CTNNA3: variants seen among roughly 807,000 people sequenced by gnomAD.
CTNNA3 encodes catenin alpha 3.
A neutral mutation model predicts 95.7 loss-of-function variants in CTNNA3; 76 were observed. That is an observed-to-expected ratio of 0.79 (90% CI 0.66 to 0.96). The LOEUF is 0.96. CTNNA3 is among the 40% of genes least tolerant of loss of function. The probability of loss-of-function intolerance (pLI) is 0.00; values close to 1 mark genes in which losing one functional copy is unlikely to be tolerated. For missense variants in CTNNA3, 1,191 were observed against 1,089.8 expected (o/e 1.09, Z -1.31); for synonymous variants, 431 against 374.4 (o/e 1.15, Z -1.74).
chr10:66,710,773 C>T (rs10997332), intron 9 of CTNNA3, among the ~76,000 whole-genome samples: 4,907 of 151,656 alleles, frequency 0.032, 214 homozygotes, highest in East Asian at 0.22. Flanking sequence ...ATTTTAAATA[C>T]AGTTTGAGGA....
At chr10:66,658,725 A>G (rs1405287984) in intron 9 of CTNNA3, among the ~76,000 whole-genome samples, 8 of 152,122 alleles carry the variant, frequency 5.3e-5, no homozygotes, top group Admixed American at 3.9e-4. Context: ...ACAGGGTCTC[A>G]CTCTGTTGCC....
Position 66,553,689 on chromosome 10 carries a change from G to A in CTNNA3, c.1375-32916C>T, listed in dbSNP as rs1254312060. On this transcript the variant is annotated intron_variant, in intron 10 of 17. Coordinates refer to ENST00000433211, the MANE Select transcript of CTNNA3 (RefSeq NM_013266.4). ...ACTACAGGTGACCGCCACCACACCC[G>A]GCTAATTTTTTGTATTTTTAGTAGA... Among the ~76,000 whole-genome samples, 7 of 151,084 alleles carry A rather than the reference G, an allele frequency of 4.6e-5. No individual in the cohort carries two copies. In the East Asian group the frequency reaches 7.8e-4, roughly 17 times the overall value.
At chr10:66,496,390 CCA>C (rs1394417920) in intron 11 of CTNNA3, among the ~76,000 whole-genome samples, 1 of 152,042 alleles carries the variant, frequency 6.6e-6, no homozygotes, top group Non-Finnish European at 1.5e-5. Flanking sequence ...ATAATTATTT[CCA>C]GTTTGATTAA....
chr10:66,489,091 C>T (rs79021016), intron 11 of CTNNA3, among the ~76,000 whole-genome samples: 2,186 of 152,218 alleles, frequency 0.014, 28 homozygotes, highest in Non-Finnish European at 0.021. Flanking sequence ...GAATCAAAGA[C>T]TACTACATAC....
At chr10:67,214,254 G>A (rs886212788) in intron 6 of CTNNA3, among the ~76,000 whole-genome samples, 2 of 150,496 alleles carry the variant, frequency 1.3e-5, no homozygotes, top group Non-Finnish European at 1.5e-5. Context: ...TTTTCTCATT[G>A]CATTTCTCCT....
intron 12 of CTNNA3, among the ~76,000 whole-genome samples, chr10:66,296,777 T>C (rs748442859): frequency 1.3e-5 from 2 of 152,118 alleles, no homozygotes; most frequent in African/African-American, 2.4e-5. Context: ...GTTGGTTGTG[T>C]CATGCTTTAC....
chr10:67,716,335 T>C (rs1841142837), intron 1 of CTNNA3, among the ~76,000 whole-genome samples: 1 of 152,174 alleles, frequency 6.6e-6, no homozygotes, highest in Non-Finnish European at 1.5e-5. Flanking sequence ...ACAACTTTTT[T>C]TTAATACTTT....
At chr10:66,448,594 GCATGTT>G (rs2093440867) in intron 11 of CTNNA3, among the ~76,000 whole-genome samples, 2 of 150,738 alleles carry the variant, frequency 1.3e-5, no homozygotes, top group South Asian at 4.2e-4. Context: ...ACCAAACACT[GCATGTT>G]CTCACTCATA....
intron 8 of CTNNA3, among the ~76,000 whole-genome samples, chr10:66,767,998 AG>A (rs1287338569): frequency 1.3e-5 from 2 of 152,172 alleles, no homozygotes; most frequent in Admixed American, 6.5e-5. Flanking sequence ...TACAAGGCAA[AG>A]GGGAGACCTT....
chr10:67,375,248 C>T (rs991126866), intron 5 of CTNNA3, among the ~76,000 whole-genome samples: 3 of 152,182 alleles, frequency 2.0e-5, no homozygotes, highest in African/African-American at 7.2e-5. Context: ...TCCTATATAA[C>T]ATTCAGCAAT....
At chr10:67,584,071 C>G (rs1314637619) in intron 3 of CTNNA3, among the ~76,000 whole-genome samples, 1 of 152,192 alleles carries the variant, frequency 6.6e-6, no homozygotes, top group African/African-American at 2.4e-5. Context: ...CTCAATTCAT[C>G]AAAGTCATTC....
chr10:67,663,489 A>C (rs992913077), intron 1 of CTNNA3, among the ~76,000 whole-genome samples: 6 of 152,026 alleles, frequency 3.9e-5, no homozygotes, highest in Non-Finnish European at 8.8e-5. Context: ...GCTGAGCCTC[A>C]GGTGGGTCTC....
chr10:67,010,304 A>C (rs1462081716), intron 7 of CTNNA3, among the ~76,000 whole-genome samples: 1 of 152,214 alleles, frequency 6.6e-6, no homozygotes, highest in Non-Finnish European at 1.5e-5. Flanking sequence ...AGTTAGAATA[A>C]TCTTTGGATA....
intron 7 of CTNNA3, among the ~76,000 whole-genome samples, chr10:67,085,956 T>TGCC (rs1258115539): frequency 6.6e-6 from 1 of 151,982 alleles, no homozygotes. Flanking sequence ...CAGAAGATCT[T>TGCC]TCCCTCCACT....
chr10:66,695,683 A>G (rs1847732142), intron 9 of CTNNA3, among the ~76,000 whole-genome samples: 1 of 152,162 alleles, frequency 6.6e-6, no homozygotes, highest in Non-Finnish European at 1.5e-5. Context: ...TTGTTGAGAC[A>G]GGAAGATACA....
intron 11 of CTNNA3, among the ~76,000 whole-genome samples, chr10:66,409,762 G>A (rs1015263486): frequency 6.6e-6 from 1 of 152,078 alleles, no homozygotes; most frequent in African/African-American, 2.4e-5. Context: ...TTAATAGTTA[G>A]GTCAACATCT....
intron 16 of CTNNA3, among the ~76,000 whole-genome samples, chr10:65,975,832 A>C (rs1334784223): frequency 1.3e-5 from 2 of 152,082 alleles, no homozygotes; most frequent in Admixed American, 6.6e-5. Context: ...TCTATAGGGC[A>C]TTCTTTCAAA....
At chr10:65,931,008 TA>T (rs2077244378) in intron 17 of CTNNA3, among the ~76,000 whole-genome samples, 1 of 152,210 alleles carries the variant, frequency 6.6e-6, no homozygotes, top group African/African-American at 2.4e-5. Context: ...TCAGCTTCTC[TA>T]TTTTTTTGAA....
intron 11 of CTNNA3, among the ~76,000 whole-genome samples, chr10:66,428,063 T>C (rs538720805): frequency 9.2e-5 from 14 of 151,836 alleles, no homozygotes; most frequent in South Asian, 4.2e-4. Context: ...GGAAGATCTA[T>C]CAAGCAAATG....
Sources: allele counts gnomAD v4.1 joint callset (sites outside exome capture counted in the v4.1 genomes callset), GRCh38; gene constraint gnomAD v4.1.1; transcripts MANE v1.5; gene names NCBI Gene and HGNC (gene_info 2026-07-23, HGNC 2026-07-21).